Variants in TSHZ2 observed in about 807,000 individuals in gnomAD.
The protein encoded by TSHZ2 is teashirt zinc finger homeobox 2.
TSHZ2 carries 21 observed loss-of-function variants against 74.4 expected under a neutral mutation model. The ratio of observed to expected loss-of-function variants is 0.28; its 90% CI spans 0.20 to 0.41. The LOEUF (loss-of-function observed/expected upper bound fraction) is 0.41. TSHZ2 is among the 10% of genes least tolerant of loss of function. The pLI is 1.00. For missense variants in TSHZ2, 1,244 were observed against 1,293.5 expected (o/e 0.96, Z 0.59); for synonymous variants, 540 against 515.3 (o/e 1.05, Z -0.65).
At chr20:53,096,922 C>CACAAAA (rs1568757417) in intron 1 of TSHZ2, among the ~76,000 whole-genome samples, 3 of 150,598 alleles carry the variant, frequency 2.0e-5, no homozygotes, top group Non-Finnish European at 4.4e-5. Context: ...AAACAAAAAA[C>CACAAAA]AAAACAAAAA....
At chr20:53,205,984 G>A (rs1989159103) in intron 1 of TSHZ2, among the ~76,000 whole-genome samples, 2 of 152,168 alleles carry the variant, frequency 1.3e-5, no homozygotes, top group Admixed American at 1.3e-4. Flanking sequence ...ACTTTGAGAG[G>A]CCAAGGCGGG....
intron 2 of TSHZ2, among the ~76,000 whole-genome samples, chr20:53,263,907 G>A (rs1333099538): frequency 2.0e-5 from 3 of 152,306 alleles, no homozygotes; most frequent in Non-Finnish European, 2.9e-5. Flanking sequence ...GGGCTCCCCT[G>A]GAGAGGAGCC....
At chr20:53,119,051 T>C (rs1986741634) in intron 1 of TSHZ2, among the ~76,000 whole-genome samples, 1 of 151,964 alleles carries the variant, frequency 6.6e-6, no homozygotes, top group South Asian at 2.1e-4. Context: ...GGGATGGAGC[T>C]AAACGATTCA....
intron 2 of TSHZ2, among the ~76,000 whole-genome samples, chr20:53,414,490 A>T (rs967772172): frequency 6.6e-6 from 1 of 151,938 alleles, no homozygotes; most frequent in African/African-American, 2.4e-5. Context: ...GCGTGGTGGC[A>T]CACACATGTA....
chr20:53,114,808 GGT>G (rs140817682), intron 1 of TSHZ2, among the ~76,000 whole-genome samples: 2 of 151,048 alleles, frequency 1.3e-5, no homozygotes, highest in African/African-American at 4.8e-5. Flanking sequence ...TTATGCCTGG[GGT>G]GTGTGTGTGT....
At chr20:53,129,989 GTTC>G (rs1426061389) in intron 1 of TSHZ2, among the ~76,000 whole-genome samples, 1 of 151,808 alleles carries the variant, frequency 6.6e-6, no homozygotes, top group Non-Finnish European at 1.5e-5. Context: ...GGCAAAAGGT[GTTC>G]TTAGAGATGG....
rs560501658 is a variant in TSHZ2, at chr20:53,365,610, G to GT, written c.*8+109040dup. ...TGCTGGATCCTGACAAAGCAAAGGTGTGGTCCCCCACCTCAGGTGACAGGC... is the reference window on the plus strand; with the variant it reads ...TGCTGGATCCTGACAAAGCAAAGGTGTTGGTCCCCCACCTCAGGTGACAGGC... On this transcript the variant is annotated intron_variant, in intron 2 of 2. Transcript: ENST00000371497. Among the ~76,000 whole-genome samples the GT allele has an allele frequency of 9.5e-3, 1,440 of 152,334 alleles. 17 individuals are homozygous for GT. The highest frequency in any genetic ancestry group is 0.027 in the Middle Eastern group (8 of 294).
chr20:53,382,738 T>C (rs1981903850), intron 2 of TSHZ2, among the ~76,000 whole-genome samples: 1 of 152,172 alleles, frequency 6.6e-6, no homozygotes, highest in East Asian at 1.9e-4. Flanking sequence ...GAAGATGAAT[T>C]AATAGTAACT....
intron 1 of TSHZ2, among the ~76,000 whole-genome samples, chr20:53,098,160 G>A (rs1986110424): frequency 6.6e-6 from 1 of 152,162 alleles, no homozygotes; most frequent in Admixed American, 6.5e-5. Context: ...TTTGGAGCCA[G>A]ACAAACTTCA....
intron 1 of TSHZ2, among the ~76,000 whole-genome samples, chr20:53,044,419 G>A (rs1297804810): frequency 6.6e-6 from 1 of 152,210 alleles, no homozygotes; most frequent in Non-Finnish European, 1.5e-5. Context: ...TGTGGAGTGA[G>A]CTGCGAGTGA....
intron 1 of TSHZ2, chr20:53,168,667 A>G (rs1330665345): frequency 6.6e-6 from 1 of 152,182 alleles, no homozygotes; most frequent in Non-Finnish European, 1.5e-5. Context: ...GTAAACATTT[A>G]TGTTTCACAT....
intron 2 of TSHZ2, among the ~76,000 whole-genome samples, chr20:53,422,566 C>G (rs1240661179): frequency 1.3e-5 from 2 of 152,082 alleles, no homozygotes; most frequent in Admixed American, 6.5e-5. Flanking sequence ...AAACATACAC[C>G]CACATACAAC....
chr20:53,083,383 A>G (rs758465627), intron 1 of TSHZ2, among the ~76,000 whole-genome samples: 8 of 152,330 alleles, frequency 5.3e-5, no homozygotes, highest in Non-Finnish European at 8.8e-5. Context: ...AGCTTTCCAA[A>G]TTAATAGGTC....
At position 53,239,005 on chromosome 20, in the gene TSHZ2, G is replaced by A. The variant is rs79830999; in HGVS notation, c.41-14494G>A. Among the ~76,000 whole-genome samples, 435 of 152,218 alleles carry A rather than the reference G, an allele frequency of 2.9e-3. 2 individuals carry two copies. Among genetic ancestry groups the A allele is most frequent in the African/African-American group, 0.01 (416 of 41,558 alleles). ...AGTAGGAAATGGATGGTGGTTAGAC[G>A]TAAACAGGAAAGAGTTCCCTCAAGA... On this transcript the variant is annotated intron_variant, in intron 1 of 2. Coordinates refer to ENST00000371497, the MANE Select transcript of TSHZ2 (RefSeq NM_173485.6).
chr20:53,239,240 G>C (rs777990608), intron 1 of TSHZ2, among the ~76,000 whole-genome samples: 1 of 152,156 alleles, frequency 6.6e-6, no homozygotes, highest in African/African-American at 2.4e-5. Flanking sequence ...CCCCAGATGA[G>C]TCATTAAGGG....
intron 2 of TSHZ2, among the ~76,000 whole-genome samples, chr20:53,455,600 A>G (rs999553728): frequency 6.6e-6 from 1 of 152,090 alleles, no homozygotes; most frequent in African/African-American, 2.4e-5. Flanking sequence ...TTTAGGGTAC[A>G]TGTGCACATT....
intron 1 of TSHZ2, among the ~76,000 whole-genome samples, chr20:53,159,774 CA>C (rs1278242125): frequency 6.6e-6 from 1 of 151,922 alleles, no homozygotes; most frequent in African/African-American, 2.4e-5. Context: ...TTTATTCATT[CA>C]TTTTTTTCAT....
chr20:53,046,408 T>C (rs750240919), intron 1 of TSHZ2, among the ~76,000 whole-genome samples: 2 of 152,150 alleles, frequency 1.3e-5, no homozygotes, highest in Non-Finnish European at 2.9e-5. Flanking sequence ...CCATGCTGAA[T>C]GCCAGGATTT....
chr20:53,134,657 G>A (rs1276325412), intron 1 of TSHZ2, among the ~76,000 whole-genome samples: 3 of 152,024 alleles, frequency 2.0e-5, no homozygotes, highest in African/African-American at 4.8e-5. Flanking sequence ...TTAACAATTC[G>A]GCAGCTACAT....
Sources: gnomAD v4.1 joint callset for allele counts (sites outside exome capture counted in the v4.1 genomes callset) on GRCh38, gnomAD v4.1.1 for gene constraint, MANE v1.5 for transcripts, NCBI Gene and HGNC (gene_info 2026-07-23, HGNC 2026-07-21) for gene names.